ANKRD45: variants seen among roughly 807,000 people sequenced by gnomAD.
ANKRD45 encodes the protein ankyrin repeat domain-containing protein 45.
Under a neutral mutation model 28.1 loss-of-function variants are expected in ANKRD45, and 21 were observed. That is an observed-to-expected ratio of 0.75 (90% confidence interval 0.53 to 1.08). The LOEUF is 1.08. ANKRD45 is among the 50% of genes least tolerant of loss of function. The pLI is 0.00. For synonymous variants in ANKRD45, 86 were observed against 103.9 expected, an observed-to-expected ratio of 0.83 and a Z score of 1.05; for missense variants, 261 against 308.7, an observed-to-expected ratio of 0.85 and a Z score of 1.16.
chr1:173,691,350 C>G, the ANKRD45 span, among the ~76,000 whole-genome samples: 2 of 152,306 alleles, frequency 1.3e-5, no homozygotes, highest in East Asian at 3.9e-4. Context: ...CACCTCCTCA[C>G]GAGAGTGAAC....
the ANKRD45 span, among the ~76,000 whole-genome samples, chr1:173,701,822 T>C: frequency 1.3e-5 from 2 of 152,016 alleles, no homozygotes; most frequent in African/African-American, 2.4e-5. Flanking sequence ...AATAAATAAA[T>C]AAATAAAAAT....
At chr1:173,666,076 T>C (rs1476021993) in intron 1 of ANKRD45, among the ~76,000 whole-genome samples, 2 of 152,190 alleles carry the variant, frequency 1.3e-5, no homozygotes, top group African/African-American at 4.8e-5. Context: ...AACACATTAC[T>C]TGTTAACGAA....
At chr1:173,615,441 C>G (rs1667423593) in intron 5 of ANKRD45, among the ~76,000 whole-genome samples, 1 of 150,428 alleles carries the variant, frequency 6.6e-6, no homozygotes, top group Admixed American at 6.6e-5. Flanking sequence ...CGGTCTAGTG[C>G]TCCTAAGTGC....
upstream of ANKRD45, among the ~76,000 whole-genome samples, chr1:173,674,700 T>C (rs562450552): frequency 1.1e-4 from 16 of 152,250 alleles, no homozygotes; most frequent in South Asian, 3.3e-3. Context: ...GATTAGTCTC[T>C]CCAAAGGAGG....
At chr1:173,637,893 G>A (rs141992373) in intron 3 of ANKRD45, among the ~76,000 whole-genome samples, 1 of 152,162 alleles carries the variant, frequency 6.6e-6, no homozygotes, top group Non-Finnish European at 1.5e-5. Context: ...ATGGGGAGGT[G>A]CCCCACTGCC....
chr1:173,642,748 T>G (rs542569015), intron 3 of ANKRD45, among the ~76,000 whole-genome samples: 1 of 152,342 alleles, frequency 6.6e-6, no homozygotes, highest in South Asian at 2.1e-4. Context: ...GGTTAATTCC[T>G]CTCTTCCTTT....
upstream of ANKRD45, among the ~76,000 whole-genome samples, chr1:173,670,382 C>G (rs537485828): frequency 6.6e-6 from 1 of 152,200 alleles, no homozygotes; most frequent in African/African-American, 2.4e-5. Context: ...TCGAAAGAAA[C>G]CAGCAGGGAA....
At chr1:173,631,154 C>T (rs1190855721) in intron 3 of ANKRD45, among the ~76,000 whole-genome samples, 1 of 151,496 alleles carries the variant, frequency 6.6e-6, no homozygotes, top group Non-Finnish European at 1.5e-5. Flanking sequence ...CAATGGAAAC[C>T]AATAAAGAGC....
chr1:173,659,902 T>C (rs1278454999), intron 1 of ANKRD45, among the ~76,000 whole-genome samples: 1 of 152,184 alleles, frequency 6.6e-6, no homozygotes, highest in Non-Finnish European at 1.5e-5. Context: ...ACTGTGTAAA[T>C]TGTGAAAACC....
intron 3 of ANKRD45, chr1:173,635,596 T>C: frequency 6.5e-7 from 1 of 1,535,636 alleles, no homozygotes; most frequent in Admixed American, 2.0e-5. Context: ...TCTGCATTTG[T>C]GATGGAACTG....
At chr1:173,672,333 C>G (rs2102408826), upstream of ANKRD45, among the ~76,000 whole-genome samples, 1 of 152,326 alleles carries the variant, frequency 6.6e-6, no homozygotes, top group South Asian at 2.1e-4. Context: ...TCATTTCTTA[C>G]TGAAGGTGAT....
At chr1:173,655,469 T>C (rs1233557659) in intron 2 of ANKRD45, among the ~76,000 whole-genome samples, 3 of 152,216 alleles carry the variant, frequency 2.0e-5, no homozygotes, top group Non-Finnish European at 4.4e-5. Flanking sequence ...TATTGCTGCC[T>C]GATCCTTCCT....
intron 1 of ANKRD45, chr1:173,667,807 C>T (rs1670090385): frequency 5.2e-6 from 2 of 386,062 alleles, no homozygotes; most frequent in African/African-American, 2.2e-5. Flanking sequence ...ATACTCTTCC[C>T]TTTTCCAACT....
intron 2 of ANKRD45, 67 bp from the exon 3 acceptor site, chr1:173,647,080 G>T: frequency 6.8e-7 from 1 of 1,460,234 alleles, no homozygotes; most frequent in Non-Finnish European, 9.5e-7. Flanking sequence ...TTATGTAGTG[G>T]AAGATCATAA....
intron 5 of ANKRD45, among the ~76,000 whole-genome samples, chr1:173,624,462 G>C (rs1173713472): frequency 1.3e-5 from 2 of 150,778 alleles, no homozygotes; most frequent in African/African-American, 4.9e-5. Context: ...ACCCCAGCCT[G>C]GGTAACAGAG....
chr1:173,672,636 T>G (rs1351911327), upstream of ANKRD45, among the ~76,000 whole-genome samples: 1 of 152,184 alleles, frequency 6.6e-6, no homozygotes, highest in East Asian at 1.9e-4. Flanking sequence ...GTTTGAGACC[T>G]AAAAGCAAAG....
At chr1:173,685,003 G>C in the ANKRD45 span, among the ~76,000 whole-genome samples, 4 of 152,322 alleles carry the variant, frequency 2.6e-5, no homozygotes, top group South Asian at 6.2e-4. Flanking sequence ...TGTCTAAATA[G>C]ATGTGAGAGT....
chr1:173,700,965 C>T, the ANKRD45 span, among the ~76,000 whole-genome samples: 2 of 152,260 alleles, frequency 1.3e-5, no homozygotes, highest in Non-Finnish European at 2.9e-5. Context: ...AGAACTTATA[C>T]AAATTTACAA....
intron 2 of ANKRD45, among the ~76,000 whole-genome samples, chr1:173,648,454 T>G (rs1036941355): frequency 6.6e-6 from 1 of 152,262 alleles, no homozygotes; most frequent in Non-Finnish European, 1.5e-5. Context: ...CATGCTTTTC[T>G]GACAGTGAAT....
Sources: gnomAD v4.1 joint callset for allele counts (sites outside exome capture counted in the v4.1 genomes callset) on GRCh38, gnomAD v4.1.1 for gene constraint, MANE v1.5 for transcripts, NCBI Gene and HGNC (gene_info 2026-07-23, HGNC 2026-07-21) for gene names.